Variants in CNTN5 observed in about 807,000 individuals in gnomAD.
The protein encoded by CNTN5 is contactin 5.
In CNTN5, 77 loss-of-function variants were observed where a neutral mutation model predicts 129.1. The ratio of observed to expected loss-of-function variants is 0.60; its 90% CI spans 0.50 to 0.72. The LOEUF is 0.72. CNTN5 is among the 30% of genes least tolerant of loss of function. CNTN5 has a pLI of 0.00. For synonymous variants in CNTN5, 509 were observed against 465.6 expected (o/e 1.09, Z -1.20); for missense variants, 1,478 against 1,328.8 (o/e 1.11, Z -1.75).
intron 2 of CNTN5, among the ~76,000 whole-genome samples, chr11:99,326,895 T>C (rs1183337310): frequency 1.3e-5 from 2 of 152,136 alleles, no homozygotes; most frequent in Non-Finnish European, 1.5e-5. Flanking sequence ...AAAGTTCTAT[T>C]TGTTACAATA....
chr11:99,987,411 TACAC>T lies in CNTN5; in HGVS notation c.878-14617_878-14614del, dbSNP rs1030091814. On this transcript the variant is annotated intron_variant, in intron 8 of 24. Coordinates refer to ENST00000524871, the MANE Select transcript of CNTN5 (RefSeq NM_014361.4). ...ACAATGCTATTTCTCTTTATATATATACACACACAGTATTCATATATACATAATA... is the reference window on the plus strand; with the variant it reads ...ACAATGCTATTTCTCTTTATATATATACACAGTATTCATATATACATAATA... Among the ~76,000 whole-genome samples, 5 of 151,710 alleles carry T rather than the reference TACAC, an allele frequency of 3.3e-5. No individual in the cohort carries two copies. In the East Asian group the frequency reaches 9.6e-4, roughly 29 times the overall value.
intron 1 of CNTN5, among the ~76,000 whole-genome samples, chr11:99,236,469 AACAC>A (rs33985126): frequency 0.13 from 18,976 of 149,992 alleles, 1,396 homozygotes; most frequent in Admixed American, 0.23. Flanking sequence ...CTCACACACA[AACAC>A]ACACACACAC....
chr11:99,792,988 T>C (rs916003269), intron 3 of CNTN5, among the ~76,000 whole-genome samples: 1 of 152,162 alleles, frequency 6.6e-6, no homozygotes, highest in African/African-American at 2.4e-5. Flanking sequence ...TTGGGATATC[T>C]GATAGTGTTT....
intron 2 of CNTN5, among the ~76,000 whole-genome samples, chr11:99,438,542 A>ATC (rs144107815): frequency 7.9e-5 from 12 of 151,210 alleles, no homozygotes; most frequent in Non-Finnish European, 1.3e-4. Context: ...ATCTCTTCAT[A>ATC]TCTCTCTCTC....
At chr11:100,327,784 A>G (rs1037838240) in intron 21 of CNTN5, among the ~76,000 whole-genome samples, 1 of 152,218 alleles carries the variant, frequency 6.6e-6, no homozygotes, top group Non-Finnish European at 1.5e-5. Flanking sequence ...GACCTGGTAA[A>G]ATATCAAATT....
chr11:99,253,404 C>T (rs1429259375), intron 1 of CNTN5, among the ~76,000 whole-genome samples: 10 of 151,946 alleles, frequency 6.6e-5, no homozygotes, highest in African/African-American at 2.2e-4. Context: ...TTCATTTGGC[C>T]ATATTTACGT....
At chr11:99,179,515 G>A (rs1300952485) in intron 1 of CNTN5, among the ~76,000 whole-genome samples, 1 of 151,852 alleles carries the variant, frequency 6.6e-6, no homozygotes, top group Admixed American at 6.6e-5. Flanking sequence ...AATTTAACTA[G>A]TTTTACCTAG....
In CNTN5 at chr11:100,075,287, C is replaced by T. The variant is rs72998813; in HGVS notation, c.1580+993C>T. 2.9e-3 allele frequency among the ~76,000 whole-genome samples: 444 copies of T among 152,166 alleles called. 2 individuals are homozygous for T. Among genetic ancestry groups the T allele is most frequent in the Non-Finnish European group, 5.1e-3 (346 of 67,984 alleles). On this transcript the variant is annotated intron_variant, in intron 13 of 24. Transcript: ENST00000524871. Reference sequence around the variant, plus strand: ...ATTAAACAATTTTTGGAATTACTGGCTTCAGCTTAGACCCAAAGATCTATG... The same window carrying T: ...ATTAAACAATTTTTGGAATTACTGGTTTCAGCTTAGACCCAAAGATCTATG...
chr11:99,988,147 A>G (rs1431849604), intron 8 of CNTN5, among the ~76,000 whole-genome samples: 1 of 152,244 alleles, frequency 6.6e-6, no homozygotes, highest in Admixed American at 6.5e-5. Context: ...TGAATTGTCT[A>G]CAGAGCAAAT....
chr11:99,811,457 T>G (rs1946425813), intron 3 of CNTN5, among the ~76,000 whole-genome samples: 1 of 147,680 alleles, frequency 6.8e-6, no homozygotes, highest in East Asian at 2.0e-4. Context: ...TAATATTTTA[T>G]TTATAATATT....
At chr11:99,534,937 G>T (rs1447661329) in intron 2 of CNTN5, among the ~76,000 whole-genome samples, 2 of 152,134 alleles carry the variant, frequency 1.3e-5, no homozygotes, top group Admixed American at 1.3e-4. Flanking sequence ...AAAGGAGCTG[G>T]TTGTGTTCAG....
intron 6 of CNTN5, among the ~76,000 whole-genome samples, chr11:99,847,979 G>A (rs553950931): frequency 2.6e-5 from 4 of 152,310 alleles, no homozygotes; most frequent in South Asian, 2.1e-4. Context: ...TTGGGCAGCC[G>A]AGGCGGGCGG....
intron 3 of CNTN5, among the ~76,000 whole-genome samples, chr11:99,641,557 G>A (rs1951771615): frequency 6.6e-6 from 1 of 152,082 alleles, no homozygotes; most frequent in African/African-American, 2.4e-5. Flanking sequence ...CCCCATCTTA[G>A]GAAGTAGAAA....
chr11:99,041,755 A>T (rs901505977), intron 1 of CNTN5, among the ~76,000 whole-genome samples: 4 of 152,164 alleles, frequency 2.6e-5, no homozygotes, highest in Non-Finnish European at 4.4e-5. Context: ...GTGCAAATGG[A>T]TATCTATTAT....
intron 6 of CNTN5, among the ~76,000 whole-genome samples, chr11:99,895,999 C>G (rs1949196340): frequency 6.6e-6 from 1 of 152,210 alleles, no homozygotes; most frequent in South Asian, 2.1e-4. Flanking sequence ...GTCCCCAGCA[C>G]AGCCTCCCTG....
At chr11:99,082,575 A>G (rs915299374) in intron 1 of CNTN5, among the ~76,000 whole-genome samples, 8 of 152,192 alleles carry the variant, frequency 5.3e-5, no homozygotes, top group African/African-American at 1.7e-4. Context: ...GGAATCTGAG[A>G]ATGAATAAAT....
At chr11:99,958,454 G>A (rs61471899) in intron 8 of CNTN5, among the ~76,000 whole-genome samples, 61,408 of 152,004 alleles carry the variant, frequency 0.4, 12,843 homozygotes, top group East Asian at 0.48. Flanking sequence ...GAGGAATTCA[G>A]TTTTGAATAT....
chr11:99,937,602 A>G (rs1342604502), intron 7 of CNTN5, among the ~76,000 whole-genome samples: 3 of 152,198 alleles, frequency 2.0e-5, no homozygotes, highest in Non-Finnish European at 1.5e-5. Context: ...TAGTGGCTCC[A>G]TGTTGTACAT....
chr11:99,262,169 A>T (rs1298106542), intron 1 of CNTN5, among the ~76,000 whole-genome samples: 1 of 151,920 alleles, frequency 6.6e-6, no homozygotes, highest in Non-Finnish European at 1.5e-5. Context: ...CTGAGATATG[A>T]CTTTCACCTC....
Sources: allele counts gnomAD v4.1 joint callset (sites outside exome capture counted in the v4.1 genomes callset), GRCh38; gene constraint gnomAD v4.1.1; transcripts MANE v1.5; gene names NCBI Gene and HGNC (gene_info 2026-07-23, HGNC 2026-07-21).